TRDMT1: variants seen among roughly 807,000 people sequenced by gnomAD.
TRDMT1 encodes the protein tRNA aspartic acid methyltransferase 1, also known as tRNA (cytosine(38)-C(5))-methyltransferase.
In TRDMT1, 49 loss-of-function variants were observed where a neutral mutation model predicts 51.2. The observed-to-expected ratio is 0.96, with a 90% CI of 0.76 to 1.21. TRDMT1 has a LOEUF of 1.21. Among genes scored for constraint, TRDMT1 ranks in the 50% most tolerant of loss-of-function variants. The pLI is 0.00. For synonymous variants in TRDMT1, 187 were observed against 164.6 expected (o/e 1.14, Z -1.04); for missense variants, 534 against 462.3 (o/e 1.16, Z -1.42).
chr10:17,155,267 TTTGAG>T (rs1394458768), intron 8 of TRDMT1, among the ~76,000 whole-genome samples: 1 of 152,186 alleles, frequency 6.6e-6, no homozygotes, highest in Non-Finnish European at 1.5e-5. Flanking sequence ...GGCACAGTTT[TTTGAG>T]TTGAGTAAAC....
Position 17,161,832 on chromosome 10 carries a change from T to G in TRDMT1, c.324-284A>C, listed in dbSNP as rs546631205. 3.9e-5 allele frequency among the ~76,000 whole-genome samples: 6 copies of G among 152,322 alleles called. No individual in the cohort carries two copies. In the South Asian group the frequency reaches 1.2e-3, roughly 32 times the overall value. ...TCAACTGAAAGGGCGGCTACTCACA[T>G]AGAAGGGTGGCTTTAAGGGTTTGCA... is the stretch of plus-strand genomic sequence containing the variant. On this transcript the variant is annotated intron_variant, in intron 4 of 10. Coordinates refer to ENST00000377799, the MANE Select transcript of TRDMT1 (RefSeq NM_004412.7).
intron 1 of TRDMT1, among the ~76,000 whole-genome samples, chr10:17,197,183 A>G (rs1845569096): frequency 6.6e-6 from 1 of 152,146 alleles, no homozygotes; most frequent in African/African-American, 2.4e-5. Flanking sequence ...AGAACTACAT[A>G]TAATACAAAA....
intron 1 of TRDMT1, among the ~76,000 whole-genome samples, chr10:17,183,341 G>C (rs1390834538): frequency 2.0e-5 from 3 of 152,038 alleles, no homozygotes; most frequent in Non-Finnish European, 4.4e-5. Context: ...GAGATTTGGA[G>C]GTAATTCTTC....
At position 17,157,527 on chromosome 10, in the gene TRDMT1, A is replaced by C; in HGVS notation, c.801T>G (p.Leu267=). 2.5e-6 allele frequency: 4 copies of C among 1,614,064 alleles called. No individual in the cohort carries two copies. Among genetic ancestry groups the C allele is most frequent in the Non-Finnish European group, 3.4e-6 (4 of 1,179,946 alleles). Residue 267 remains leucine, a synonymous_variant, in exon 8 of 11, where the codon CTT becomes CTG. Coordinates refer to ENST00000377799, the MANE Select transcript of TRDMT1 (RefSeq NM_004412.7). ...ATCGCAGCAATGACTTTGGTGGTAA[A>C]AGATACTGGTTCACGTCAGTGTCAT... The part of the protein sequence containing the change: ...LEDDTDVNQY[L]LPPKSLLRYA...
rs1311179229 is a variant in TRDMT1, at chr10:17,141,393, C to T, written c.*7647G>A. The stretch of plus-strand genomic sequence containing the variant: ...GAAAGGATGGTCTCTATCTCCTGAC[C>T]TTATGATCTGCCCCCCTTCGCCTCC... On this transcript the variant is annotated 3_prime_UTR_variant, in exon 11 of 11. Coordinates refer to ENST00000377799, the MANE Select transcript of TRDMT1 (RefSeq NM_004412.7). 1.3e-5 allele frequency among the ~76,000 whole-genome samples: 2 copies of T among 152,168 alleles called. No individual in the cohort carries two copies. The highest frequency in any genetic ancestry group is 2.4e-5 in the African/African-American group (1 of 41,432).
chr10:17,193,509 A>G (rs1488810427), intron 1 of TRDMT1, among the ~76,000 whole-genome samples: 2 of 152,226 alleles, frequency 1.3e-5, no homozygotes, highest in East Asian at 3.8e-4. Flanking sequence ...CTATACACAA[A>G]TAATGTTCAA....
chr10:17,194,613 A>C (rs7474602), intron 1 of TRDMT1, among the ~76,000 whole-genome samples: 144,248 of 152,246 alleles, frequency 0.95, 68,708 homozygotes, highest in Non-Finnish European at 1. Context: ...CAGCATCTCA[A>C]ACCAGTCACA....
At chr10:17,151,240 T>G (rs1838689742) in intron 10 of TRDMT1, 1 of 942,868 alleles carries the variant, frequency 1.1e-6, no homozygotes, top group African/African-American at 1.8e-5. Flanking sequence ...TTTTTTAAGT[T>G]AAAAGACAAC....
chr10:17,143,444 T>A lies in TRDMT1; in HGVS notation c.*5596A>T. On this transcript the variant is annotated 3_prime_UTR_variant, in exon 11 of 11. Coordinates refer to ENST00000377799, the MANE Select transcript of TRDMT1 (RefSeq NM_004412.7). ...CTCTTAAATATGAAAGTCAACTCAT[T>A]TCTACTACACAAGGAGTATCACATT... 1 of 985,474 alleles carries A rather than the reference T, an allele frequency of 1.0e-6. No homozygotes were observed. Among genetic ancestry groups the A allele is most frequent in the Non-Finnish European group, 1.2e-6 (1 of 829,936 alleles). 61.0% of individuals were successfully genotyped at this position (985,474 alleles called of 1,614,324 possible).
intron 4 of TRDMT1, among the ~76,000 whole-genome samples, chr10:17,161,840 T>C (rs534652753): frequency 6.6e-6 from 1 of 152,100 alleles, no homozygotes. Flanking sequence ...CATAGAAGGG[T>C]GGCTTTAAGG....
intron 3 of TRDMT1, 24 bp from the exon 4 acceptor site, chr10:17,162,261 A>AC: frequency 6.6e-7 from 1 of 1,506,512 alleles, no homozygotes; most frequent in Non-Finnish European, 9.0e-7. Context: ...AAAAAAAAAA[A>AC]ACAAAAAAAA....
intron 10 of TRDMT1, 68 bp downstream of exon 10, chr10:17,153,439 C>T (rs766424210): frequency 3.8e-6 from 6 of 1,583,322 alleles, no homozygotes; most frequent in East Asian, 2.2e-5. Context: ...GTCCTAGACA[C>T]ACAAGTCCCT....
At chr10:17,187,832 T>G (rs1844151079) in intron 1 of TRDMT1, among the ~76,000 whole-genome samples, 1 of 152,026 alleles carries the variant, frequency 6.6e-6, no homozygotes, top group Non-Finnish European at 1.5e-5. Flanking sequence ...TGCCCAAACA[T>G]AAGACAACTA....
Position 17,139,138 on chromosome 10 carries a change from G to A in TRDMT1, c.*9902C>T, listed in dbSNP as rs1033022978. 1 of 978,870 alleles carries A rather than the reference G, an allele frequency of 1.0e-6. No homozygotes were observed. Among genetic ancestry groups the A allele is most frequent in the Admixed American group, 6.1e-5 (1 of 16,262 alleles). The allele number at this position is 978,870 out of a possible 1,614,324, so 60.6% of individuals were successfully genotyped here. A position where few individuals can be genotyped will look rare whatever the true frequency, so the allele number is the denominator to read the frequency against. On this transcript the variant is annotated 3_prime_UTR_variant, in exon 11 of 11. Coordinates refer to ENST00000377799, the MANE Select transcript of TRDMT1 (RefSeq NM_004412.7). ...GATTAATCCAAGCTTGGTTTCCAAG[G>A]TGTGAAGCAATGAAGCGGAGTTTAC...
chr10:17,143,645 T>C lies in TRDMT1; in HGVS notation c.*5395A>G. ...ACATGTTTAACCAAGCACACAAATA[T>C]GATTGCAAATATATGTGTGGGTGTT... On this transcript the variant is annotated 3_prime_UTR_variant, in exon 11 of 11. Coordinates refer to ENST00000377799, the MANE Select transcript of TRDMT1 (RefSeq NM_004412.7). 3.0e-6 allele frequency: 3 copies of C among 985,466 alleles called. No homozygotes were observed. The highest frequency in any genetic ancestry group is 3.6e-6 in the Non-Finnish European group (3 of 829,938). 61.0% of individuals were successfully genotyped at this position (985,466 alleles called of 1,614,324 possible).
chr10:17,195,052 G>A (rs1845222095), intron 1 of TRDMT1, among the ~76,000 whole-genome samples: 2 of 150,928 alleles, frequency 1.3e-5, no homozygotes, highest in South Asian at 4.2e-4. Context: ...GTGGAAAGCA[G>A]CTTGGAAATT....
chr10:17,184,292 A>G (rs985361093), intron 1 of TRDMT1, among the ~76,000 whole-genome samples: 2 of 152,152 alleles, frequency 1.3e-5, no homozygotes, highest in Non-Finnish European at 2.9e-5. Flanking sequence ...ATGCTTTCTC[A>G]TAACTTATGA....
At chr10:17,158,812 G>T (rs1381340721) in intron 7 of TRDMT1, among the ~76,000 whole-genome samples, 3 of 152,036 alleles carry the variant, frequency 2.0e-5, no homozygotes, top group Non-Finnish European at 2.9e-5. Context: ...TCTATGGGAA[G>T]GATAAAATGA....
Position 17,141,132 on chromosome 10 carries a change from G to A in TRDMT1, c.*7908C>T, listed in dbSNP as rs4642975. Among the ~76,000 whole-genome samples, 20,958 of 152,048 alleles carry A rather than the reference G, an allele frequency of 0.14. 1,543 individuals are homozygous for A. Among genetic ancestry groups the A allele is most frequent in the Admixed American group, 0.17 (2,601 of 15,256 alleles). On this transcript the variant is annotated 3_prime_UTR_variant, in exon 11 of 11. Transcript: ENST00000377799. The stretch of plus-strand genomic sequence containing the variant: ...TCCAAATTGTGTCCCCCGCCCCATG[G>A]CAACGTGTCATTTTTCTCCAGCTGC...
Sources: gnomAD v4.1 joint callset for allele counts (sites outside exome capture counted in the v4.1 genomes callset) on GRCh38, gnomAD v4.1.1 for gene constraint, MANE v1.5 for transcripts, NCBI Gene and HGNC (gene_info 2026-07-23, HGNC 2026-07-21) for gene names.